Variants in ERFE observed in about 807,000 individuals in gnomAD.
The protein encoded by ERFE is complement C1q tumor necrosis factor-related protein 15.
In ERFE, 25 loss-of-function variants were observed where a neutral mutation model predicts 26.6. That is an observed-to-expected ratio of 0.94 (90% CI 0.69 to 1.31). The LOEUF (loss-of-function observed/expected upper bound fraction) is 1.31, where lower values mean the gene tolerates loss of function less well. Among genes scored for constraint, ERFE ranks in the 40% most tolerant of loss-of-function variants. ERFE has a pLI of 0.00. For synonymous variants in ERFE, 206 were observed against 204.5 expected (o/e 1.01, Z -0.06); for missense variants, 447 against 440.2 (o/e 1.02, Z -0.14).
At position 238,167,065 on chromosome 2, in the gene ERFE, C is replaced by G. The variant is rs956359839; in HGVS notation, c.*11C>G. ...CTCCTGGGCGTGTGAGCGGCCACCA[C>G]AGGCCCTTCCTCTCAGGGGCAAATG... On this transcript the variant is annotated 3_prime_UTR_variant, in exon 8 of 8. Coordinates refer to ENST00000546354, the MANE Select transcript of ERFE (RefSeq NM_001291832.2). 13 of 1,549,038 alleles carry G rather than the reference C, an allele frequency of 8.4e-6. No individual in the cohort carries two copies. The highest frequency in any genetic ancestry group is 1.0e-5 in the Non-Finnish European group (12 of 1,146,182).
chr2:238,167,856 TC>T lies in ERFE; in HGVS notation c.*806del, dbSNP rs1466836074. The T allele has an allele frequency of 4.7e-6, 1 of 214,530 alleles. No individual in the cohort carries two copies. Among genetic ancestry groups the T allele is most frequent in the African/African-American group, 2.3e-5 (1 of 43,424 alleles). 13.3% of individuals were successfully genotyped at this position (214,530 alleles called of 1,614,324 possible). On this transcript the variant is annotated 3_prime_UTR_variant, in exon 8 of 8. Coordinates refer to ENST00000546354, the MANE Select transcript of ERFE (RefSeq NM_001291832.2). ...CTCCAGAGGTGGATGAGATCCCTTT[TC>T]CCCTCCCCTCTGAGGTGCTGACTCA... is the stretch of plus-strand genomic sequence containing the variant.
Position 238,168,217 on chromosome 2 carries a change from G to C in ERFE, c.*1163G>C, listed in dbSNP as rs1024250553. On this transcript the variant is annotated 3_prime_UTR_variant, in exon 8 of 8. Coordinates refer to ENST00000546354, the MANE Select transcript of ERFE (RefSeq NM_001291832.2). The stretch of plus-strand genomic sequence containing the variant: ...TCTCATGAGGACACACAGGCTGTGA[G>C]CCCGCAGCCTCCTCAAATGTAGCCT... The C allele has an allele frequency of 2.0e-5, 7 of 356,450 alleles. No individual in the cohort carries two copies. Among genetic ancestry groups the C allele is most frequent in the African/African-American group, 1.5e-4 (7 of 46,554 alleles). 22.1% of individuals were successfully genotyped at this position (356,450 alleles called of 1,614,324 possible). A position where few individuals can be genotyped will look rare whatever the true frequency, so the allele number is the denominator to read the frequency against.
chr2:238,164,205 G>C, intron 5 of ERFE, 22 bp downstream of exon 5: 1 of 1,432,210 alleles, frequency 7.0e-7, no homozygotes, highest in Non-Finnish European at 9.1e-7. Context: ...GGCGTGGGAG[G>C]ATCGCCCGCT....
In ERFE at chr2:238,164,190, C is replaced by T; in HGVS notation, c.796+7C>T. ...GCCGCCACGCTGCACGTGGGTGAGG[C>T]CCGGGGCGTGGGAGGATCGCCCGCT... On this transcript the variant is annotated splice_region_variant and intron_variant, in intron 5 of 7. Transcript: ENST00000546354. The T allele has an allele frequency of 7.0e-7, 1 of 1,435,814 alleles. No individual in the cohort carries two copies. Among genetic ancestry groups the T allele is most frequent in the Non-Finnish European group, 9.1e-7 (1 of 1,103,938 alleles). 88.9% of individuals were successfully genotyped at this position (1,435,814 alleles called of 1,614,324 possible).
intron 1 of ERFE, among the ~76,000 whole-genome samples, chr2:238,160,994 T>C (rs1421169258): frequency 6.6e-6 from 1 of 152,074 alleles, no homozygotes; most frequent in African/African-American, 2.4e-5. Flanking sequence ...GTCTCAGAAG[T>C]GCTGAGGAAA....
rs1172820294 is a variant in ERFE at position 238,167,444 on chromosome 2, T to G, written c.*390T>G. 2.0e-6 allele frequency: 1 copy of G among 488,134 alleles called. No homozygotes were observed. Among genetic ancestry groups the G allele is most frequent in the South Asian group, 1.5e-5 (1 of 64,860 alleles). 30.2% of individuals were successfully genotyped at this position (488,134 alleles called of 1,614,324 possible). On this transcript the variant is annotated 3_prime_UTR_variant, in exon 8 of 8. Transcript: ENST00000546354. ...CACCTCTCTTCATGTTCTCATGGAGTGCAAAGTGCACCAGCCAGGGCCCCT... is the reference window on the plus strand; with the variant it reads ...CACCTCTCTTCATGTTCTCATGGAGGGCAAAGTGCACCAGCCAGGGCCCCT...
Position 238,167,009 on chromosome 2 carries a change from A to C in ERFE, c.1020A>C (p.Thr340=). Reference sequence around the variant, plus strand: ...ACAACGCCAGCGGCTGCTCCCTCACAGTGCGCAGTGGCTCCCACTTCAGTG... The same window carrying C: ...ACAACGCCAGCGGCTGCTCCCTCACCGTGCGCAGTGGCTCCCACTTCAGTG... ...FLDNASGCSL[T]VRSGSHFSAV... The change falls in exon 8 of 8, where the codon ACA becomes ACC. Residue 340 remains threonine, a synonymous_variant. Coordinates refer to ENST00000546354, the MANE Select transcript of ERFE (RefSeq NM_001291832.2). 6.4e-7 allele frequency: 1 copy of C among 1,550,510 alleles called. No homozygotes were observed. Among genetic ancestry groups the C allele is most frequent in the Non-Finnish European group, 8.7e-7 (1 of 1,146,980 alleles).
chr2:238,165,493 C>A, intron 6 of ERFE, 113 bp from the exon 7 acceptor site: 1 of 860,520 alleles, frequency 1.2e-6, no homozygotes, highest in Non-Finnish European at 1.9e-6. Flanking sequence ...AAGACCTGGC[C>A]AGGGTCAGGC....
Position 238,161,642 on chromosome 2 carries a change from A to T in ERFE, c.247A>T (p.Met83Leu). The T allele has an allele frequency of 6.5e-7, 1 of 1,547,244 alleles. No individual in the cohort carries two copies. ...AHSVDPRDAW[M>L]LFVRQSDKGV... ...CAGCGTCGACCCCCGGGACGCCTGG[A>T]TGCTCTTCGTCAGGCAGAGTGACAA... Residue 83 changes from methionine to leucine, a missense_variant, in exon 2 of 8, where the codon ATG becomes TTG. Physicochemically the swap from Met to Leu is conservative, Grantham distance 15. Transcript: ENST00000546354.
At chr2:238,166,568 G>C (rs750939570) in intron 7 of ERFE, among the ~76,000 whole-genome samples, 9 of 152,248 alleles carry the variant, frequency 5.9e-5, no homozygotes, top group African/African-American at 9.6e-5. Context: ...AGCCAGGCTA[G>C]AGTGCTGGTT....
rs1692939586 is a variant in ERFE at position 238,161,605 on chromosome 2, T to A, written c.210T>A (p.Ala70=). 1 of 1,533,978 alleles carries A rather than the reference T, an allele frequency of 6.5e-7. No homozygotes were observed. The highest frequency in any genetic ancestry group is 1.4e-5 in the African/African-American group (1 of 72,810). ...TGGCTGTGTTCCAGGAGCCCACCGC[T>A]GAGCGTGCACACAGCGTCGACCCCC... ...GPAARPPEPT[A]ERAHSVDPRD... The change falls in exon 2 of 8, where the codon GCT becomes GCA. Residue 70 remains alanine (A), a synonymous_variant. Coordinates refer to ENST00000546354, the MANE Select transcript of ERFE (RefSeq NM_001291832.2).
At chr2:238,162,542 C>T (rs537045127) in intron 2 of ERFE, among the ~76,000 whole-genome samples, 194 bp from the exon 3 acceptor site, 3 of 152,396 alleles carry the variant, frequency 2.0e-5, no homozygotes, top group South Asian at 4.1e-4. Flanking sequence ...AGCCCCGCCC[C>T]GAGGGCCCCC....
At chr2:238,160,995 G>A (rs369459725) in intron 1 of ERFE, among the ~76,000 whole-genome samples, 1 of 152,344 alleles carries the variant, frequency 6.6e-6, no homozygotes, top group East Asian at 1.9e-4. Context: ...TCTCAGAAGT[G>A]CTGAGGAAAT....
In ERFE at chr2:238,167,080, AG is replaced by A; in HGVS notation, c.*30del. On this transcript the variant is annotated 3_prime_UTR_variant, in exon 8 of 8. Coordinates refer to ENST00000546354, the MANE Select transcript of ERFE (RefSeq NM_001291832.2). ...GCGGCCACCACAGGCCCTTCCTCTC[AG>A]GGGCAAATGGAGCACAGATCTAGAC... The A allele has an allele frequency of 6.5e-7, 1 of 1,543,180 alleles. No individual in the cohort carries two copies.
chr2:238,162,623 G>A (rs1574767969), intron 2 of ERFE, 113 bp from the exon 3 acceptor site: 3 of 726,374 alleles, frequency 4.1e-6, no homozygotes, highest in Non-Finnish European at 2.5e-6. Context: ...CTGGAGGTTG[G>A]AGCCCACTGG....
Position 238,164,362 on chromosome 2 carries a change from T to A in ERFE, c.887+2T>A, listed in dbSNP as rs770210299. The stretch of plus-strand genomic sequence containing the variant: ...CCAGTCCCGGTGCCAGCGCAACGCG[T>A]GAGTGTACCCCGGCCCGGACCCCAC... On this transcript the variant is annotated splice_donor_variant, in intron 6 of 7. Transcript: ENST00000546354. LOFTEE classifies it high-confidence loss of function. 6.5e-7 allele frequency: 1 copy of A among 1,542,770 alleles called. No homozygotes were observed. Among genetic ancestry groups the A allele is most frequent in the Non-Finnish European group, 8.7e-7 (1 of 1,145,556 alleles).
At chr2:238,162,266 G>A (rs1488078720) in intron 2 of ERFE, among the ~76,000 whole-genome samples, 1 of 152,226 alleles carries the variant, frequency 6.6e-6, no homozygotes, top group African/African-American at 2.4e-5. Context: ...CACAGGCCGC[G>A]CTGTCCTCGT....
In ERFE at chr2:238,167,143, G is replaced by T; in HGVS notation, c.*89G>T. The T allele has an allele frequency of 7.5e-7, 1 of 1,341,184 alleles. No individual in the cohort carries two copies. 83.1% of individuals were successfully genotyped at this position (1,341,184 alleles called of 1,614,324 possible). ...AGTGTCAGAGTAGCAGTGGCCACAT[G>T]GAGGAGGAGGCCCACCCGGAACTCT... On this transcript the variant is annotated 3_prime_UTR_variant, in exon 8 of 8. Coordinates refer to ENST00000546354, the MANE Select transcript of ERFE (RefSeq NM_001291832.2).
chr2:238,164,448 C>G, intron 6 of ERFE, 88 bp downstream of exon 6: 1 of 1,347,790 alleles, frequency 7.4e-7, no homozygotes. Context: ...GACGGGGCTT[C>G]CGCCCGTTCA....
Sources: allele counts gnomAD v4.1 joint callset (sites outside exome capture counted in the v4.1 genomes callset), GRCh38; gene constraint gnomAD v4.1.1; transcripts MANE v1.5; gene names NCBI Gene and HGNC (gene_info 2026-07-23, HGNC 2026-07-21).